The following FHIT variants were observed in gnomAD, a reference collection of about 807,000 sequenced individuals.
FHIT encodes fragile histidine triad diadenosine triphosphatase, also known as bis(5'-adenosyl)-triphosphatase.
Under a neutral mutation model 17.9 loss-of-function variants are expected in FHIT, and 19 were observed. That is an observed-to-expected ratio of 1.06 (90% CI 0.74 to 1.56). FHIT has a LOEUF of 1.56. FHIT is among the 40% of genes most tolerant of loss of function. The pLI, the probability that FHIT is intolerant of heterozygous loss-of-function variation, is 0.00. For missense variants in FHIT, 248 were observed against 189.2 expected, an observed-to-expected ratio of 1.31 and a Z score of -1.82; for synonymous variants, 81 against 69.7, an observed-to-expected ratio of 1.16 and a Z score of -0.81.
chr3:59,995,502 C>T (rs1242432221), intron 7 of FHIT, among the ~76,000 whole-genome samples: 2 of 152,104 alleles, frequency 1.3e-5, no homozygotes, highest in East Asian at 1.9e-4. Flanking sequence ...TAAGAAAAAA[C>T]TCACTTTCTG....
rs148058593 is a variant in FHIT at position 61,185,369 on chromosome 3, A to G, written c.-164+15248T>C. On this transcript the variant is annotated intron_variant, in intron 2 of 9. Transcript: ENST00000492590. ...AGCCAACCTCCTTGCAAAATAGTCAATGAGCTTCATTCAGATTATCCTCAG... is the reference window on the plus strand; with the variant it reads ...AGCCAACCTCCTTGCAAAATAGTCAGTGAGCTTCATTCAGATTATCCTCAG... 1.7e-3 allele frequency among the ~76,000 whole-genome samples: 255 copies of G among 152,314 alleles called. 1 individual carries two copies. Among genetic ancestry groups the G allele is most frequent in the Non-Finnish European group, 3.0e-3 (206 of 68,036 alleles).
Position 61,047,598 on chromosome 3 carries a change from C to A in FHIT, c.-163-5499G>T, listed in dbSNP as rs538427957. Among the ~76,000 whole-genome samples, 16 of 152,306 alleles carry A rather than the reference C, an allele frequency of 1.1e-4. No individual in the cohort carries two copies. The South Asian group carries it at 3.1e-3, about 30-fold the overall frequency. ...TTCAATGCCATCCCCATCAAGCTAC[C>A]AATGACTTTCTTCATAGGATTGGAA... On this transcript the variant is annotated intron_variant, in intron 2 of 9. Transcript: ENST00000492590.
At chr3:60,959,258 C>T (rs782330109) in intron 3 of FHIT, among the ~76,000 whole-genome samples, 11 of 152,166 alleles carry the variant, frequency 7.2e-5, no homozygotes, top group Non-Finnish European at 1.0e-4. Flanking sequence ...TCTTATGAGC[C>T]TCAATTACCT....
Position 61,134,100 on chromosome 3 carries a change from T to TACACACACACACACACACACACACACAC in FHIT, c.-164+66489_-164+66516dup, listed in dbSNP as rs150931006. Among the ~76,000 whole-genome samples, 533 of 134,936 alleles carry TACACACACACACACACACACACACACAC rather than the reference T, an allele frequency of 4.0e-3. 7 individuals carry two copies. The highest frequency in any genetic ancestry group is 0.015 in the Middle Eastern group (4 of 262). The allele number at this position is 134,936 out of a possible 152,430, so 88.5% of individuals were successfully genotyped here. On this transcript the variant is annotated intron_variant, in intron 2 of 9. Transcript: ENST00000492590. ...TGAGACTCTGTCTCACACACACACA[T>TACACACACACACACACACACACACACAC]ACACACACACACACACACACACACA...
intron 5 of FHIT, among the ~76,000 whole-genome samples, chr3:60,205,976 T>A (rs1703154559): frequency 6.7e-6 from 1 of 149,156 alleles, no homozygotes; most frequent in East Asian, 2.0e-4. Context: ...AATAAAAAAA[T>A]AAAAAAATTA....
intron 5 of FHIT, among the ~76,000 whole-genome samples, chr3:60,479,207 T>C (rs900118049): frequency 5.3e-5 from 8 of 152,208 alleles, no homozygotes; most frequent in African/African-American, 1.9e-4. Context: ...TTAACTGACA[T>C]CAAAGTTACA....
chr3:59,908,341 C>A (rs965803473), intron 8 of FHIT, among the ~76,000 whole-genome samples: 29 of 152,194 alleles, frequency 1.9e-4, no homozygotes, highest in African/African-American at 7.0e-4. Context: ...TCCTGCAGGT[C>A]TTAGCAAAGT....
chr3:60,154,977 A>G (rs540150617), intron 5 of FHIT, among the ~76,000 whole-genome samples: 2 of 152,156 alleles, frequency 1.3e-5, no homozygotes, highest in African/African-American at 4.8e-5. Context: ...AGGTGAGAGG[A>G]TCACTTGAGC....
intron 7 of FHIT, among the ~76,000 whole-genome samples, chr3:59,990,674 T>C (rs560420790): frequency 2.0e-5 from 3 of 152,012 alleles, no homozygotes; most frequent in African/African-American, 4.8e-5. Context: ...CAAAAGTAGA[T>C]AGAGCAACAT....
At position 60,360,041 on chromosome 3, in the gene FHIT, T is replaced by C. The variant is rs1160547605; in HGVS notation, c.103+176819A>G. On this transcript the variant is annotated intron_variant, in intron 5 of 9. Coordinates refer to ENST00000492590, the MANE Select transcript of FHIT (RefSeq NM_002012.4). ...TGTAAGGAAAGGACAGATCCCTGCT[T>C]TGGAAAAAGAATACAAATGTGCAGG... 4.6e-5 allele frequency among the ~76,000 whole-genome samples: 7 copies of C among 151,490 alleles called. No individual in the cohort carries two copies. The South Asian group carries it at 1.3e-3, about 27-fold the overall frequency.
At chr3:60,771,253 C>G (rs1378989993) in intron 4 of FHIT, among the ~76,000 whole-genome samples, 2 of 152,250 alleles carry the variant, frequency 1.3e-5, no homozygotes, top group African/African-American at 4.8e-5. Flanking sequence ...AAGCACATCC[C>G]TGGACACACC....
At chr3:60,753,713 C>A (rs989900389) in intron 4 of FHIT, among the ~76,000 whole-genome samples, 1 of 152,076 alleles carries the variant, frequency 6.6e-6, no homozygotes, top group African/African-American at 2.4e-5. Flanking sequence ...TCACAAGATA[C>A]AGATGAAAAC....
intron 3 of FHIT, among the ~76,000 whole-genome samples, chr3:60,880,192 C>A (rs35927692): frequency 0.21 from 31,572 of 152,018 alleles, 3,507 homozygotes; most frequent in Middle Eastern, 0.28. Flanking sequence ...TTCAGCAGAA[C>A]CTTATAGACC....
At chr3:59,962,874 T>C (rs1439467726) in intron 7 of FHIT, among the ~76,000 whole-genome samples, 1 of 152,218 alleles carries the variant, frequency 6.6e-6, no homozygotes, top group Non-Finnish European at 1.5e-5. Flanking sequence ...TTTTCTAGCA[T>C]ATATACACTA....
intron 4 of FHIT, chr3:60,616,957 C>T (rs1177019610): frequency 1.3e-5 from 2 of 156,548 alleles, no homozygotes; most frequent in Non-Finnish European, 2.9e-5. Flanking sequence ...ATCAGTTTCA[C>T]TTAGGCTTTT....
intron 2 of FHIT, among the ~76,000 whole-genome samples, chr3:61,187,406 T>C (rs959046623): frequency 6.6e-6 from 1 of 152,032 alleles, no homozygotes; most frequent in Non-Finnish European, 1.5e-5. Context: ...ATGCACCCAA[T>C]ACAGGAGCAC....
intron 3 of FHIT, among the ~76,000 whole-genome samples, chr3:60,997,406 T>C (rs901071455): frequency 1.3e-5 from 2 of 152,084 alleles, no homozygotes; most frequent in Non-Finnish European, 2.9e-5. Flanking sequence ...AAGATCTAAA[T>C]TTCTGACTTC....
At chr3:60,927,464 G>A (rs1392899316) in intron 3 of FHIT, among the ~76,000 whole-genome samples, 1 of 152,054 alleles carries the variant, frequency 6.6e-6, no homozygotes. Context: ...GATGTGAGGA[G>A]CCCCTCTGCC....
intron 4 of FHIT, among the ~76,000 whole-genome samples, chr3:60,619,077 T>C (rs1439977936): frequency 2.0e-5 from 3 of 150,722 alleles, no homozygotes; most frequent in Non-Finnish European, 4.4e-5. Flanking sequence ...TGATAATTTG[T>C]TACAGCAGCA....
Sources: gnomAD v4.1 joint callset for allele counts (sites outside exome capture counted in the v4.1 genomes callset) on GRCh38, gnomAD v4.1.1 for gene constraint, MANE v1.5 for transcripts, NCBI Gene and HGNC (gene_info 2026-07-23, HGNC 2026-07-21) for gene names.